CNTLN: variants seen among roughly 807,000 people sequenced by gnomAD.
CNTLN encodes the protein centlein, also known as centlein, centrosomal protein.
Under a neutral mutation model 180.0 loss-of-function variants are expected in CNTLN, and 212 were observed. The observed-to-expected ratio is 1.18, with a 90% CI of 1.05 to 1.32. The LOEUF (loss-of-function observed/expected upper bound fraction) is 1.32, where lower values mean the gene tolerates loss of function less well. Among genes scored for constraint, CNTLN ranks in the 40% most tolerant of loss-of-function variants. The probability of loss-of-function intolerance (pLI) is 0.00; values close to 1 mark genes in which losing one functional copy is unlikely to be tolerated. For missense variants in CNTLN, 2,095 were observed against 1,610.9 expected (o/e 1.30, Z -5.14); for synonymous variants, 722 against 563.1 (o/e 1.28, Z -3.99).
At chr9:17,444,989 T>A (rs1039356979) in intron 18 of CNTLN, among the ~76,000 whole-genome samples, 1 of 152,102 alleles carries the variant, frequency 6.6e-6, no homozygotes, top group Non-Finnish European at 1.5e-5. Context: ...ATGAAAGACT[T>A]TTTTTGGTAA....
intron 13 of CNTLN, among the ~76,000 whole-genome samples, chr9:17,367,460 G>A (rs906739596): frequency 1.1e-4 from 16 of 152,078 alleles, no homozygotes; most frequent in Admixed American, 1.0e-3. Context: ...TGCAGAGTTG[G>A]GCTCAGACCA....
At chr9:17,211,771 A>G (rs1022552208) in intron 2 of CNTLN, among the ~76,000 whole-genome samples, 4 of 152,130 alleles carry the variant, frequency 2.6e-5, no homozygotes, top group African/African-American at 9.7e-5. Context: ...GGTCCTTCAC[A>G]TCCCTTGTAA....
At chr9:17,469,457 A>G (rs1274294189) in intron 23 of CNTLN, among the ~76,000 whole-genome samples, 1 of 151,784 alleles carries the variant, frequency 6.6e-6, no homozygotes, top group Non-Finnish European at 1.5e-5. Flanking sequence ...TTTGGGTCTT[A>G]AGAAAGGCAT....
intron 7 of CNTLN, chr9:17,301,491 C>A (rs1818348196): frequency 4.1e-6 from 4 of 984,988 alleles, no homozygotes; most frequent in Non-Finnish European, 4.8e-6. Flanking sequence ...TTTGTCATTT[C>A]TTTCTCTAGA....
intron 10 of CNTLN, among the ~76,000 whole-genome samples, chr9:17,334,659 A>G (rs1820880505): frequency 6.6e-6 from 1 of 152,162 alleles, no homozygotes; most frequent in African/African-American, 2.4e-5. Context: ...ATGTGAACTA[A>G]TGTAGAAACA....
chr9:17,215,878 G>A lies in CNTLN; in HGVS notation c.450-10325G>A, dbSNP rs1272940574. On this transcript the variant is annotated intron_variant, in intron 2 of 25. Coordinates refer to ENST00000380647, the MANE Select transcript of CNTLN (RefSeq NM_017738.4). Reference sequence around the variant, plus strand: ...GGCGCGGGGTATAATCTCCTGGTGTGCCGTATGCTAAGACCGTTGGAAAAG... The same window carrying A: ...GGCGCGGGGTATAATCTCCTGGTGTACCGTATGCTAAGACCGTTGGAAAAG... 4.6e-5 allele frequency among the ~76,000 whole-genome samples: 7 copies of A among 152,156 alleles called. No individual in the cohort carries two copies. In the East Asian group the frequency reaches 1.4e-3, roughly 29 times the overall value.
chr9:17,265,854 T>A (rs62252889), intron 5 of CNTLN, among the ~76,000 whole-genome samples: 38,805 of 151,980 alleles, frequency 0.26, 5,072 homozygotes, highest in South Asian at 0.36. Flanking sequence ...CTTTCATGGT[T>A]GTTTGTATTT....
chr9:17,160,026 A>G (rs937746269), intron 2 of CNTLN, among the ~76,000 whole-genome samples: 1 of 152,254 alleles, frequency 6.6e-6, no homozygotes, highest in African/African-American at 2.4e-5. Flanking sequence ...ATCAAAAGAT[A>G]CAATGGCAAT....
chr9:17,237,682 T>C (rs1468396523), intron 5 of CNTLN, among the ~76,000 whole-genome samples: 2 of 152,016 alleles, frequency 1.3e-5, no homozygotes, highest in African/African-American at 4.8e-5. Context: ...ATTTTGGTAT[T>C]TGGAGACCCC....
At chr9:17,420,061 C>T (rs574049702) in intron 18 of CNTLN, among the ~76,000 whole-genome samples, 11 of 152,044 alleles carry the variant, frequency 7.2e-5, no homozygotes, top group Middle Eastern at 3.2e-3. Context: ...ACTATAGGCA[C>T]GCAACACCAC....
At position 17,288,125 on chromosome 9, in the gene CNTLN, G is replaced by A. The variant is rs1390868702; in HGVS notation, c.984-10065G>A. Among the ~76,000 whole-genome samples the A allele has an allele frequency of 2.3e-5, 3 of 129,680 alleles. 1 individual carries two copies. In the South Asian group the frequency reaches 9.3e-4, roughly 40 times the overall value. 85.1% of individuals were successfully genotyped at this position (129,680 alleles called of 152,430 possible). On this transcript the variant is annotated intron_variant, in intron 6 of 25. Transcript: ENST00000380647. ...AGGGTGTCAATTTTGGATCTTTCCT[G>A]CTTTCTCTTGTGGGCATTTAGTGCT...
intron 5 of CNTLN, among the ~76,000 whole-genome samples, chr9:17,265,639 T>C (rs1468467991): frequency 1.3e-5 from 2 of 152,296 alleles, no homozygotes; most frequent in Admixed American, 1.3e-4. Flanking sequence ...GTACCTCTGG[T>C]AGAATTCGGC....
chr9:17,230,530 G>A (rs1824747399), intron 3 of CNTLN, among the ~76,000 whole-genome samples: 1 of 151,544 alleles, frequency 6.6e-6, no homozygotes, highest in Admixed American at 6.6e-5. Flanking sequence ...ACCCCCTTAG[G>A]AGAGACAGGA....
At chr9:17,507,957 C>T (rs917813427), downstream of CNTLN, among the ~76,000 whole-genome samples, 14 of 152,108 alleles carry the variant, frequency 9.2e-5, no homozygotes, top group African/African-American at 3.4e-4. Flanking sequence ...AGGTGGTGCC[C>T]CTGCCTTCTG....
intron 2 of CNTLN, chr9:17,167,074 T>A (rs746798482): frequency 4.9e-5 from 10 of 203,646 alleles, no homozygotes; most frequent in Non-Finnish European, 9.9e-5. Flanking sequence ...TCATACTTTT[T>A]GAGAATTTTA....
At chr9:17,477,613 A>G (rs1166963207) in intron 23 of CNTLN, among the ~76,000 whole-genome samples, 4 of 152,216 alleles carry the variant, frequency 2.6e-5, no homozygotes, top group Non-Finnish European at 4.4e-5. Context: ...GAAACTGCAG[A>G]TGTGGTAGAA....
intron 13 of CNTLN, among the ~76,000 whole-genome samples, chr9:17,372,619 C>T (rs1335228728): frequency 6.6e-6 from 1 of 152,130 alleles, no homozygotes; most frequent in Non-Finnish European, 1.5e-5. Context: ...CTTTCAAACT[C>T]ATTCTACAAG....
chr9:17,221,052 G>C (rs1407399259), intron 2 of CNTLN, among the ~76,000 whole-genome samples: 1 of 152,052 alleles, frequency 6.6e-6, no homozygotes, highest in Non-Finnish European at 1.5e-5. Flanking sequence ...TTAATGCTTT[G>C]ACTTTCATGA....
At chr9:17,362,056 G>T (rs1823435476) in intron 12 of CNTLN, among the ~76,000 whole-genome samples, 1 of 152,194 alleles carries the variant, frequency 6.6e-6, no homozygotes, top group Non-Finnish European at 1.5e-5. Context: ...CAAGAACAAG[G>T]TGGTCCCTGA....
Sources: gnomAD v4.1 joint callset for allele counts (sites outside exome capture counted in the v4.1 genomes callset) on GRCh38, gnomAD v4.1.1 for gene constraint, MANE v1.5 for transcripts, NCBI Gene and HGNC (gene_info 2026-07-23, HGNC 2026-07-21) for gene names.